The following NMT2 variants were observed in gnomAD, a reference collection of about 807,000 sequenced individuals.
NMT2 encodes N-myristoyltransferase 2.
A neutral mutation model predicts 65.4 loss-of-function variants in NMT2; 35 were observed. That is an observed-to-expected ratio of 0.54 (90% CI 0.41 to 0.71). NMT2 has a LOEUF of 0.71. NMT2 is among the 30% of genes least tolerant of loss of function. The pLI, the probability that NMT2 is intolerant of heterozygous loss-of-function variation, is 0.00. For missense variants in NMT2, 489 were observed against 611.3 expected, an observed-to-expected ratio of 0.80 and a Z score of 2.11; for synonymous variants, 226 against 231.8, an observed-to-expected ratio of 0.98 and a Z score of 0.23.
At chr10:15,128,569 C>T (rs1221485951) in intron 7 of NMT2, 111 bp from the exon 8 acceptor site, 2 of 676,952 alleles carry the variant, frequency 3.0e-6, no homozygotes, top group East Asian at 2.6e-5. Context: ...TTACGTTGTA[C>T]TAGACAGAGG....
chr10:15,112,412 A>T (rs933642587), intron 10 of NMT2, among the ~76,000 whole-genome samples: 10 of 150,152 alleles, frequency 6.7e-5, no homozygotes, highest in African/African-American at 2.4e-4. Flanking sequence ...TATTTTTAGT[A>T]GAGACGAGGT....
chr10:15,113,486 A>AAG (rs1845641503), intron 9 of NMT2, among the ~76,000 whole-genome samples: 1 of 148,824 alleles, frequency 6.7e-6, no homozygotes, highest in African/African-American at 2.5e-5. Context: ...AAAAAAAAAA[A>AAG]AAAGAAAGAA....
chr10:15,163,565 T>G (rs1833273425), intron 1 of NMT2, among the ~76,000 whole-genome samples: 1 of 152,214 alleles, frequency 6.6e-6, no homozygotes, highest in Non-Finnish European at 1.5e-5. Context: ...ATTTATACAG[T>G]TGATAACAGA....
chr10:15,112,031 T>C (rs1234932835), intron 10 of NMT2, among the ~76,000 whole-genome samples: 1 of 150,544 alleles, frequency 6.6e-6, no homozygotes, highest in Non-Finnish European at 1.5e-5. Flanking sequence ...CTGGCTACAA[T>C]TAAATTTTGA....
chr10:15,128,324 A>G, intron 8 of NMT2, 26 bp downstream of exon 8: 1 of 1,357,558 alleles, frequency 7.4e-7, no homozygotes, highest in East Asian at 2.3e-5. Context: ...TACAGCTTCA[A>G]AAAACTGCAA....
chr10:15,145,722 T>G (rs74808718), intron 1 of NMT2, among the ~76,000 whole-genome samples: 3,077 of 152,172 alleles, frequency 0.02, 107 homozygotes, highest in African/African-American at 0.068. Flanking sequence ...GGTATGTGAA[T>G]TATATCAAAT....
At chr10:15,138,505 G>A (rs1041119748) in intron 2 of NMT2, 1 of 470,740 alleles carries the variant, frequency 2.1e-6, no homozygotes, top group Non-Finnish European at 4.4e-6. Context: ...AACTTCCCAC[G>A]ATTCCACTCC....
chr10:15,157,780 A>G (rs929273234), intron 1 of NMT2, among the ~76,000 whole-genome samples: 2 of 152,222 alleles, frequency 1.3e-5, no homozygotes, highest in East Asian at 3.8e-4. Flanking sequence ...TACACTGGTG[A>G]ATTTTGGCTC....
chr10:15,153,735 C>T (rs909764198), intron 1 of NMT2, among the ~76,000 whole-genome samples: 6 of 152,024 alleles, frequency 3.9e-5, no homozygotes, highest in Non-Finnish European at 7.4e-5. Context: ...CTGCAAGCTC[C>T]GCCTCCCAGG....
intron 8 of NMT2, among the ~76,000 whole-genome samples, chr10:15,123,057 A>G (rs545827214): frequency 6.6e-6 from 1 of 152,298 alleles, no homozygotes; most frequent in Non-Finnish European, 1.5e-5. Flanking sequence ...CAGAATTTAG[A>G]CAAGCAATAT....
intron 1 of NMT2, among the ~76,000 whole-genome samples, chr10:15,144,055 G>A (rs1188071924): frequency 1.3e-5 from 2 of 152,118 alleles, no homozygotes; most frequent in Non-Finnish European, 2.9e-5. Flanking sequence ...ACTCCATTTT[G>A]GGAGTTAATT....
intron 10 of NMT2, among the ~76,000 whole-genome samples, chr10:15,112,197 TATATATATATATATATATA>T (rs1371285900): frequency 5.0e-3 from 74 of 14,708 alleles, no homozygotes; most frequent in African/African-American, 0.025. Flanking sequence ...TATATATATA[TATATATATATATATATATA>T]TTTTTTTTTT....
At chr10:15,168,458 G>A in intron 1 of NMT2, 45 bp downstream of exon 1, 1 of 1,435,826 alleles carries the variant, frequency 7.0e-7, no homozygotes, top group African/African-American at 1.5e-5. Flanking sequence ...TGGCGCGCGC[G>A]GTCCCCGCCC....
intron 1 of NMT2, among the ~76,000 whole-genome samples, chr10:15,149,196 C>A (rs1847062831): frequency 2.7e-5 from 4 of 150,498 alleles, no homozygotes; most frequent in Admixed American, 1.3e-4. Context: ...CTGCCACCAT[C>A]ATCACCACCA....
At chr10:15,122,244 T>A (rs957208955) in intron 8 of NMT2, among the ~76,000 whole-genome samples, 3 of 152,108 alleles carry the variant, frequency 2.0e-5, no homozygotes, top group African/African-American at 7.2e-5. Flanking sequence ...TATCTGTTAA[T>A]AGAGAACATT....
chr10:15,136,531 T>C (rs1400958746), intron 2 of NMT2, among the ~76,000 whole-genome samples: 1 of 151,730 alleles, frequency 6.6e-6, no homozygotes, highest in Non-Finnish European at 1.5e-5. Context: ...CTGAACTCAG[T>C]GCTGAACTGG....
intron 10 of NMT2, among the ~76,000 whole-genome samples, chr10:15,112,540 T>G (rs1354394705): frequency 6.6e-6 from 1 of 151,940 alleles, no homozygotes; most frequent in Non-Finnish European, 1.5e-5. Flanking sequence ...TATATATTCT[T>G]ATATAAGGAT....
rs1845367009 is a variant in NMT2 at position 15,108,035 on chromosome 10, T to C, written c.*1160A>G. ...GTAATAAAAACATTCAAACTATCAA[T>C]GCCCTGATAGCACGAATAAGTTCCA... On this transcript the variant is annotated 3_prime_UTR_variant, in exon 12 of 12. Transcript: ENST00000378165. 5.1e-6 allele frequency: 5 copies of C among 985,702 alleles called. No individual in the cohort carries two copies. The highest frequency in any genetic ancestry group is 1.7e-5 in the African/African-American group (1 of 57,258). The allele number at this position is 985,702 out of a possible 1,614,324, so 61.1% of individuals were successfully genotyped here. A position where few individuals can be genotyped will look rare whatever the true frequency, so the allele number is the denominator to read the frequency against.
At chr10:15,116,491 G>T (rs1444180899) in intron 9 of NMT2, among the ~76,000 whole-genome samples, 1 of 152,118 alleles carries the variant, frequency 6.6e-6, no homozygotes, top group South Asian at 2.1e-4. Flanking sequence ...TCTCAAGTCA[G>T]TAAGTTCTTC....
Sources: gnomAD v4.1 joint callset for allele counts (sites outside exome capture counted in the v4.1 genomes callset) on GRCh38, gnomAD v4.1.1 for gene constraint, MANE v1.5 for transcripts, NCBI Gene and HGNC (gene_info 2026-07-23, HGNC 2026-07-21) for gene names.